Variants in MGAT4A observed in about 807,000 individuals in gnomAD.
The protein encoded by MGAT4A is alpha-1,3-mannosyl-glycoprotein 4-beta-N-acetylglucosaminyltransferase A, also known as N-acetylglucosaminyltransferase IVa.
In MGAT4A, 33 loss-of-function variants were observed where a neutral mutation model predicts 74.1. That is an observed-to-expected ratio of 0.45 (90% confidence interval 0.34 to 0.60). The LOEUF is 0.60. Ranked by LOEUF, MGAT4A falls within the 20% of genes least tolerant of loss-of-function variation. MGAT4A has a pLI of 0.02. For synonymous variants in MGAT4A, 198 were observed against 210.4 expected, an observed-to-expected ratio of 0.94 and a Z score of 0.51; for missense variants, 479 against 628.3, an observed-to-expected ratio of 0.76 and a Z score of 2.54.
intron 2 of MGAT4A, among the ~76,000 whole-genome samples, chr2:98,703,600 C>T (rs542682172): frequency 2.1e-4 from 32 of 152,296 alleles, no homozygotes; most frequent in Admixed American, 1.4e-3. Flanking sequence ...GGTACACCCT[C>T]GGCATAAAGC....
chr2:98,627,055 A>G (rs1701154496), intron 14 of MGAT4A, among the ~76,000 whole-genome samples: 2 of 152,354 alleles, frequency 1.3e-5, no homozygotes, highest in Admixed American at 1.3e-4. Context: ...ATTTAGGTGA[A>G]GTTCCTCAAT....
At chr2:98,664,032 C>T (rs1701790474) in intron 4 of MGAT4A, among the ~76,000 whole-genome samples, 1 of 151,680 alleles carries the variant, frequency 6.6e-6, no homozygotes, top group African/African-American at 2.4e-5. Context: ...CATGGCGAAA[C>T]CCGGTCTCTA....
chr2:98,699,980 T>C (rs1375877925), intron 2 of MGAT4A, among the ~76,000 whole-genome samples: 3 of 152,284 alleles, frequency 2.0e-5, no homozygotes, highest in African/African-American at 2.4e-5. Context: ...GACCCGTCCT[T>C]GCCTTTTTCT....
At chr2:98,675,211 A>G in intron 3 of MGAT4A, 36 bp from the exon 4 acceptor site, 1 of 1,452,786 alleles carries the variant, frequency 6.9e-7, no homozygotes, top group Non-Finnish European at 9.3e-7. Context: ...TACAAGAATT[A>G]CCTTACAGAA....
chr2:98,697,943 G>C (rs1020622907), intron 2 of MGAT4A, among the ~76,000 whole-genome samples: 5 of 152,208 alleles, frequency 3.3e-5, no homozygotes, highest in Non-Finnish European at 7.3e-5. Flanking sequence ...ATTAGAAAGA[G>C]AGCGAATGTT....
At chr2:98,722,660 T>C (rs1702693388) in intron 2 of MGAT4A, among the ~76,000 whole-genome samples, 2 of 152,214 alleles carry the variant, frequency 1.3e-5, no homozygotes, top group South Asian at 4.1e-4. Flanking sequence ...AAAAACCGAC[T>C]GATTGTACAC....
chr2:98,629,123 C>G (rs1245479635), intron 14 of MGAT4A, among the ~76,000 whole-genome samples: 1 of 152,156 alleles, frequency 6.6e-6, no homozygotes, highest in Non-Finnish European at 1.5e-5. Context: ...TCTTAGATCA[C>G]AGACTATTCA....
At chr2:98,676,955 C>A (rs1439677464) in intron 3 of MGAT4A, among the ~76,000 whole-genome samples, 1 of 152,140 alleles carries the variant, frequency 6.6e-6, no homozygotes, top group Non-Finnish European at 1.5e-5. Flanking sequence ...AGTTTATCAG[C>A]AGGAGGAGAA....
In MGAT4A at chr2:98,625,196, T is replaced by C. The variant is rs1701126764; in HGVS notation, c.*370A>G. On this transcript the variant is annotated 3_prime_UTR_variant, in exon 16 of 16. Transcript: ENST00000393487. Reference sequence around the variant, plus strand: ...ATAATCTATAAAAGAGGGTCTATAATAGTAAAATAAGTGAACCTCAAAAGT... The same window carrying C: ...ATAATCTATAAAAGAGGGTCTATAACAGTAAAATAAGTGAACCTCAAAAGT... 1 of 844,972 alleles carries C rather than the reference T, an allele frequency of 1.2e-6. No individual in the cohort carries two copies. Among genetic ancestry groups the C allele is most frequent in the Admixed American group, 6.1e-5 (1 of 16,508 alleles). The allele number at this position is 844,972 out of a possible 1,614,324, so 52.3% of individuals were successfully genotyped here.
intron 8 of MGAT4A, among the ~76,000 whole-genome samples, chr2:98,654,575 A>G (rs1701631502): frequency 6.6e-6 from 1 of 152,208 alleles, no homozygotes; most frequent in Admixed American, 6.5e-5. Flanking sequence ...AAAAAAGATA[A>G]AATACTTAGG....
At chr2:98,730,894 C>T (rs1185939924) in intron 1 of MGAT4A, among the ~76,000 whole-genome samples, 154 bp downstream of exon 1, 1 of 146,436 alleles carries the variant, frequency 6.8e-6, no homozygotes, top group Non-Finnish European at 1.5e-5. Flanking sequence ...CGGGCCGCGG[C>T]GCAGTAGGCT....
chr2:98,683,166 A>G (rs1313561925), intron 2 of MGAT4A, among the ~76,000 whole-genome samples: 1 of 152,202 alleles, frequency 6.6e-6, no homozygotes, highest in Non-Finnish European at 1.5e-5. Context: ...ACAAAGGCTG[A>G]GGAAACGACC....
rs1271270483 is a variant in MGAT4A at position 98,620,050 on chromosome 2, C to G, written c.*5516G>C. ...CCCTGGAGTGCCAGCTTGCTCCTTC[C>G]TGTTTGTTCCTTTGAAAATGATCTA... On this transcript the variant is annotated 3_prime_UTR_variant, in exon 16 of 16. Transcript: ENST00000393487. 6.6e-6 allele frequency: 1 copy of G among 152,204 alleles called. No individual in the cohort carries two copies. The highest frequency in any genetic ancestry group is 1.5e-5 in the Non-Finnish European group (1 of 68,040). 9.4% of individuals were successfully genotyped at this position (152,204 alleles called of 1,614,324 possible). A position where few individuals can be genotyped will look rare whatever the true frequency, so the allele number is the denominator to read the frequency against.
intron 2 of MGAT4A, among the ~76,000 whole-genome samples, chr2:98,684,132 C>T (rs558101507): frequency 6.6e-6 from 1 of 152,210 alleles, no homozygotes; most frequent in African/African-American, 2.4e-5. Flanking sequence ...TACTATACAG[C>T]TTTCTTAAGG....
intron 2 of MGAT4A, among the ~76,000 whole-genome samples, chr2:98,699,090 G>C (rs538517130): frequency 6.6e-6 from 1 of 152,278 alleles, no homozygotes; most frequent in East Asian, 1.9e-4. Context: ...CACACGGAGA[G>C]AAGTTTGGAA....
intron 2 of MGAT4A, among the ~76,000 whole-genome samples, chr2:98,689,359 A>G (rs1160173280): frequency 1.3e-5 from 2 of 152,226 alleles, no homozygotes; most frequent in African/African-American, 4.8e-5. Context: ...AGACTCTAAT[A>G]ATGGTGGTGA....
intron 2 of MGAT4A, among the ~76,000 whole-genome samples, chr2:98,682,095 T>C (rs1702067655): frequency 6.6e-6 from 1 of 152,100 alleles, no homozygotes; most frequent in African/African-American, 2.4e-5. Context: ...GAAGGCCAAT[T>C]ACTAAATGTA....
intron 12 of MGAT4A, 22 bp downstream of exon 12, chr2:98,639,786 A>C: frequency 6.4e-7 from 1 of 1,572,798 alleles, no homozygotes; most frequent in Non-Finnish European, 8.7e-7. Context: ...GTAAGATCAC[A>C]TACATTTCAA....
chr2:98,696,732 A>T (rs1052551162), intron 2 of MGAT4A, among the ~76,000 whole-genome samples: 1 of 152,202 alleles, frequency 6.6e-6, no homozygotes, highest in African/African-American at 2.4e-5. Context: ...CACTGGCTGT[A>T]GTCCCAAAAG....
Sources: allele counts gnomAD v4.1 joint callset (sites outside exome capture counted in the v4.1 genomes callset), GRCh38; gene constraint gnomAD v4.1.1; transcripts MANE v1.5; gene names NCBI Gene and HGNC (gene_info 2026-07-23, HGNC 2026-07-21).